Variants in KIF1B observed in about 807,000 individuals in gnomAD.
KIF1B encodes the protein kinesin family member 1B.
Under a neutral mutation model 241.9 loss-of-function variants are expected in KIF1B, and 76 were observed. The observed-to-expected ratio is 0.31, with a 90% confidence interval of 0.26 to 0.38. KIF1B has a LOEUF of 0.38. Ranked by LOEUF, KIF1B falls within the 10% of genes least tolerant of loss-of-function variation. The pLI is 1.00. For missense variants in KIF1B, 1,622 were observed against 2,271.4 expected, an observed-to-expected ratio of 0.71 and a Z score of 5.81; for synonymous variants, 750 against 796.7, an observed-to-expected ratio of 0.94 and a Z score of 0.99.
chr1:10,256,524 A>G (rs1244626057), intron 3 of KIF1B, among the ~76,000 whole-genome samples: 2 of 152,142 alleles, frequency 1.3e-5, no homozygotes, highest in Middle Eastern at 3.2e-3. Flanking sequence ...ACACATATAC[A>G]TAAATATATA....
intron 29 of KIF1B, 143 bp downstream of exon 29, chr1:10,336,885 A>G: frequency 9.2e-7 from 1 of 1,090,246 alleles, no homozygotes; most frequent in East Asian, 2.4e-5. Context: ...CATGTCTAAC[A>G]ATTATGAAGG....
chr1:10,278,562 C>T (rs1366436158), intron 13 of KIF1B: 1 of 214,972 alleles, frequency 4.7e-6, no homozygotes, highest in Non-Finnish European at 9.4e-6. Flanking sequence ...CCATTCAAGC[C>T]TACCTTCAGA....
At chr1:10,256,766 C>G (rs1463517191) in intron 3 of KIF1B, among the ~76,000 whole-genome samples, 2 of 151,584 alleles carry the variant, frequency 1.3e-5, no homozygotes, top group Admixed American at 6.6e-5. Flanking sequence ...GGCTGGAGTA[C>G]AGTGGTGCCA....
chr1:10,306,629 C>A (rs2102275910), intron 22 of KIF1B: 1 of 550,156 alleles, frequency 1.8e-6, no homozygotes, highest in Non-Finnish European at 2.4e-6. Context: ...AAACTTGCAT[C>A]AGGACGGGTG....
In KIF1B at chr1:10,232,381, G is replaced by A; in HGVS notation, c.53G>A (p.Arg18Gln). 2 of 1,614,058 alleles carry A rather than the reference G, an allele frequency of 1.2e-6. No individual in the cohort carries two copies. Among genetic ancestry groups the A allele is most frequent in the Non-Finnish European group, 1.7e-6 (2 of 1,179,986 alleles). Reference sequence around the variant, plus strand: ...GTCCGGGTAAGGCCCTTCAATTCTCGAGAGACCAGCAAGGAATCCAAATGC... The same window carrying A: ...GTCCGGGTAAGGCCCTTCAATTCTCAAGAGACCAGCAAGGAATCCAAATGC... ...VAVRVRPFNS[R>Q]ETSKESKCII... The change falls in exon 2 of 49, where the codon CGA becomes CAA. Residue 18 changes from arginine to glutamine, a missense_variant. Around this residue, in one of 7 missense-constraint regions of KIF1B, gnomAD observed 156 missense variants for 244.8 expected, o/e 0.64. Transcript: ENST00000676179.
chr1:10,343,482 G>A (rs906155033), intron 34 of KIF1B, among the ~76,000 whole-genome samples, 195 bp downstream of exon 34: 4 of 152,274 alleles, frequency 2.6e-5, no homozygotes, highest in Admixed American at 2.0e-4. Flanking sequence ...TAAAGGCTGG[G>A]CGCGGTGGCT....
intron 22 of KIF1B, among the ~76,000 whole-genome samples, chr1:10,319,212 C>T (rs1463311884): frequency 2.0e-5 from 3 of 151,832 alleles, no homozygotes; most frequent in Admixed American, 6.6e-5. Context: ...AGTGATTCTC[C>T]TGCCTCATCC....
intron 5 of KIF1B, among the ~76,000 whole-genome samples, 158 bp downstream of exon 5, chr1:10,262,128 T>C (rs1266721726): frequency 1.3e-5 from 2 of 152,160 alleles, no homozygotes; most frequent in Non-Finnish European, 2.9e-5. Context: ...TAATGAATAG[T>C]GTCCTGCTTT....
At chr1:10,340,107 A>C (rs1652336461) in intron 32 of KIF1B, among the ~76,000 whole-genome samples, 1 of 152,226 alleles carries the variant, frequency 6.6e-6, no homozygotes, top group Non-Finnish European at 1.5e-5. Context: ...GTTTGAATGC[A>C]ATGAGTTGTT....
intron 1 of KIF1B, among the ~76,000 whole-genome samples, chr1:10,227,500 G>C (rs1646925317): frequency 6.6e-6 from 1 of 152,154 alleles, no homozygotes; most frequent in African/African-American, 2.4e-5. Context: ...TAAACTGGTA[G>C]TCAGATCTAA....
intron 2 of KIF1B, among the ~76,000 whole-genome samples, chr1:10,237,876 G>A (rs963309964): frequency 1.3e-5 from 2 of 151,872 alleles, no homozygotes; most frequent in African/African-American, 4.8e-5. Flanking sequence ...GGGTGTGGTG[G>A]TGTGCACCTG....
chr1:10,321,913 G>T, intron 24 of KIF1B, 56 bp downstream of exon 24: 1 of 1,601,212 alleles, frequency 6.2e-7, no homozygotes, highest in Non-Finnish European at 8.6e-7. Context: ...TGCTGTGGGT[G>T]CATCTGGGTT....
intron 2 of KIF1B, among the ~76,000 whole-genome samples, chr1:10,250,088 GGCATGAGCCACTGA>G (rs1553162278): frequency 1.3e-5 from 2 of 152,098 alleles, no homozygotes; most frequent in Non-Finnish European, 2.9e-5. Flanking sequence ...TGAGATTACA[GGCATGAGCCACTGA>G]ACCTGGGCCT....
intron 2 of KIF1B, 93 bp from the exon 3 acceptor site, chr1:10,256,154 C>G (rs1647769323): frequency 1.2e-6 from 1 of 819,172 alleles, no homozygotes; most frequent in Non-Finnish European, 2.1e-6. Context: ...TATGAATTTA[C>G]TGATTGGGAT....
In KIF1B at chr1:10,282,342, A is replaced by G. The variant is rs1281744518; in HGVS notation, c.1243A>G (p.Asn415Asp). 3 of 1,614,028 alleles carry G rather than the reference A, an allele frequency of 1.9e-6. No homozygotes were observed. Among genetic ancestry groups the G allele is most frequent in the Middle Eastern group, 1.6e-4 (1 of 6,062 alleles). ...GSKYLKDFQN[N>D]KHRYLLASEN... ...CCCAGATCTGAAAGATTTTCAGAAC[A>G]ATAAGCATAGATACTTGCTAGCCTC... The change falls in exon 15 of 49, where the codon AAT (asparagine) becomes GAT (aspartate). Residue 415 changes from asparagine to aspartate, a missense_variant. By Grantham distance (23) the Asn-to-Asp change is conservative. Transcript: ENST00000676179.
At chr1:10,266,024 A>G (rs1410479846) in intron 5 of KIF1B, among the ~76,000 whole-genome samples, 2 of 152,212 alleles carry the variant, frequency 1.3e-5, no homozygotes, top group Non-Finnish European at 2.9e-5. Context: ...GCTCCATGAT[A>G]CAGAAGGATC....
chr1:10,368,909 TGAAGTAAACACTTCAGA>T (rs1468504989), intron 44 of KIF1B, among the ~76,000 whole-genome samples: 1 of 149,094 alleles, frequency 6.7e-6, no homozygotes, highest in African/African-American at 2.5e-5. Context: ...CAACAAAGAG[TGAAGTAAACACTTCAGA>T]GAATTTCTGT....
chr1:10,231,516 A>T (rs1000064444), intron 1 of KIF1B, among the ~76,000 whole-genome samples: 8 of 150,460 alleles, frequency 5.3e-5, no homozygotes, highest in African/African-American at 2.0e-4. Flanking sequence ...CCTCCCTAGT[A>T]GCGGGGATCA....
intron 2 of KIF1B, among the ~76,000 whole-genome samples, chr1:10,235,250 ATTATT>A (rs1395237907): frequency 6.6e-6 from 1 of 151,830 alleles, no homozygotes; most frequent in Non-Finnish European, 1.5e-5. Flanking sequence ...ACAAAGGATT[ATTATT>A]TTATTTTATT....
Sources: allele counts gnomAD v4.1 joint callset (sites outside exome capture counted in the v4.1 genomes callset), GRCh38; gene constraint gnomAD v4.1.1; regional missense constraint gnomAD v4.1.1; transcripts MANE v1.5; gene names NCBI Gene and HGNC (gene_info 2026-07-23, HGNC 2026-07-21).